The following RNF150 variants were observed in gnomAD, a reference collection of about 807,000 sequenced individuals.
The protein encoded by RNF150 is ring finger protein 150.
RNF150 carries 24 observed loss-of-function variants against 39.3 expected under a neutral mutation model. That is an observed-to-expected ratio of 0.61 (90% CI 0.44 to 0.86). The LOEUF (loss-of-function observed/expected upper bound fraction) is 0.86. Among genes scored for constraint, RNF150 ranks in the 40% least tolerant of loss-of-function variants. The probability of loss-of-function intolerance (pLI) is 0.00; values close to 1 mark genes in which losing one functional copy is unlikely to be tolerated. For missense variants in RNF150, 502 were observed against 587.8 expected (o/e 0.85, Z 1.51); for synonymous variants, 255 against 227.3 (o/e 1.12, Z -1.10).
At chr4:141,203,076 TACAC>T (rs1553954894) in intron 1 of RNF150, among the ~76,000 whole-genome samples, 1 of 133,014 alleles carries the variant, frequency 7.5e-6, no homozygotes, top group Non-Finnish European at 1.6e-5. Context: ...TATATATATA[TACAC>T]ACATATATGA....
chr4:141,014,879 C>A (rs1360186254), intron 1 of RNF150, among the ~76,000 whole-genome samples: 1 of 152,138 alleles, frequency 6.6e-6, no homozygotes, highest in Non-Finnish European at 1.5e-5. Context: ...AGGATCATAT[C>A]CAAAAATCAT....
At chr4:140,899,648 T>C (rs553570049) in intron 6 of RNF150, among the ~76,000 whole-genome samples, 19 of 152,218 alleles carry the variant, frequency 1.2e-4, no homozygotes, top group African/African-American at 3.6e-4. Context: ...GGGAAGCCTA[T>C]GGAGCGAGGA....
At chr4:141,042,561 C>T (rs1285924028) in intron 1 of RNF150, among the ~76,000 whole-genome samples, 1 of 151,980 alleles carries the variant, frequency 6.6e-6, no homozygotes, top group Non-Finnish European at 1.5e-5. Flanking sequence ...CATAATTTTT[C>T]ACTATGCCCC....
At chr4:141,157,170 T>C (rs1727422659) in intron 1 of RNF150, among the ~76,000 whole-genome samples, 2 of 152,164 alleles carry the variant, frequency 1.3e-5, no homozygotes, top group South Asian at 4.1e-4. Context: ...TTTCCTCTCA[T>C]GGTCATAGAT....
At chr4:141,001,015 A>G (rs572896847) in intron 1 of RNF150, among the ~76,000 whole-genome samples, 5 of 152,344 alleles carry the variant, frequency 3.3e-5, no homozygotes, top group Admixed American at 2.6e-4. Flanking sequence ...AATTAAACAA[A>G]TCAGCGTAAT....
intron 2 of RNF150, among the ~76,000 whole-genome samples, chr4:140,958,778 T>C (rs1732888750): frequency 6.6e-6 from 1 of 152,148 alleles, no homozygotes; most frequent in African/African-American, 2.4e-5. Flanking sequence ...GGCTATTTTC[T>C]TAAAGTACTC....
intron 1 of RNF150, among the ~76,000 whole-genome samples, chr4:140,991,705 T>C (rs1579033338): frequency 6.6e-6 from 1 of 152,266 alleles, no homozygotes; most frequent in Middle Eastern, 3.4e-3. Flanking sequence ...GAGCAACTGA[T>C]AGAGCATCTT....
At chr4:140,877,936 A>AGGCATGTG (rs930776537) in intron 6 of RNF150, among the ~76,000 whole-genome samples, 14 of 152,094 alleles carry the variant, frequency 9.2e-5, no homozygotes, top group Middle Eastern at 3.2e-3. Context: ...GCAAATTTCA[A>AGGCATGTG]GGCATGTGGA....
chr4:141,210,866 G>T (rs1728452731), intron 1 of RNF150, among the ~76,000 whole-genome samples: 1 of 152,076 alleles, frequency 6.6e-6, no homozygotes, highest in Admixed American at 6.6e-5. Flanking sequence ...ACTCAATTCT[G>T]GTCAATTATC....
intron 5 of RNF150, among the ~76,000 whole-genome samples, chr4:140,915,755 G>A (rs1442301841): frequency 2.0e-5 from 3 of 152,178 alleles, no homozygotes; most frequent in African/African-American, 7.2e-5. Flanking sequence ...CTCCTCAAGT[G>A]GGTCCCTGAC....
intron 1 of RNF150, among the ~76,000 whole-genome samples, chr4:141,099,341 G>A (rs948920893): frequency 4.6e-5 from 7 of 152,006 alleles, no homozygotes; most frequent in Non-Finnish European, 5.9e-5. Flanking sequence ...TTTACCTCCC[G>A]GATCAGAAGA....
intron 1 of RNF150, among the ~76,000 whole-genome samples, chr4:141,115,255 C>T (rs952858462): frequency 3.9e-5 from 6 of 152,268 alleles, no homozygotes; most frequent in Admixed American, 3.9e-4. Context: ...ATCATCTCAG[C>T]CCAAAATCTC....
At chr4:141,130,744 T>C (rs1726873367) in intron 1 of RNF150, among the ~76,000 whole-genome samples, 1 of 152,030 alleles carries the variant, frequency 6.6e-6, no homozygotes, top group South Asian at 2.1e-4. Context: ...TCCACTGAGG[T>C]TTTAAATATT....
chr4:141,199,531 A>G (rs910470233), intron 1 of RNF150, among the ~76,000 whole-genome samples: 2 of 152,204 alleles, frequency 1.3e-5, no homozygotes, highest in Non-Finnish European at 2.9e-5. Context: ...GAAACACGCT[A>G]CTGGTACACT....
intron 6 of RNF150, among the ~76,000 whole-genome samples, chr4:140,886,906 T>G (rs1304585957): frequency 6.6e-6 from 1 of 152,256 alleles, no homozygotes; most frequent in Non-Finnish European, 1.5e-5. Flanking sequence ...ACTCCTATGT[T>G]TTCTTCTAGA....
chr4:140,976,074 T>C (rs11729644), intron 1 of RNF150, among the ~76,000 whole-genome samples: 56,116 of 152,054 alleles, frequency 0.37, 11,848 homozygotes, highest in Non-Finnish European at 0.46. Context: ...TTGCTTTGAT[T>C]GGTTCGGCTT....
Position 141,190,907 on chromosome 4 carries a change from A to G in RNF150, c.-6+21887T>C, listed in dbSNP as rs75731268. ...TAGAGTGAAAAGTTTAAAATTGTCA[A>G]TTAAAATCATTTCAGTCCCTTCCTA... On this transcript the variant is annotated intron_variant, in intron 1 of 7. Coordinates refer to the RNF150 transcript ENST00000420921. Among the ~76,000 whole-genome samples the G allele has an allele frequency of 5.7e-3, 867 of 152,312 alleles. 2 individuals are homozygous for G. Among genetic ancestry groups the G allele is most frequent in the African/African-American group, 0.019 (808 of 41,560 alleles).
At chr4:141,151,409 GACACACACACAC>G (rs869289733) in intron 1 of RNF150, among the ~76,000 whole-genome samples, 1,856 of 121,972 alleles carry the variant, frequency 0.015, 40 homozygotes, top group African/African-American at 0.051. Context: ...CATCTCTACA[GACACACACACAC>G]ACACACACAC....
chr4:140,973,540 G>GAA (rs71704831), intron 1 of RNF150, among the ~76,000 whole-genome samples: 23 of 149,886 alleles, frequency 1.5e-4, no homozygotes, highest in African/African-American at 2.9e-4. Context: ...CCTCTCATTT[G>GAA]AAAAAAAAAC....
Sources: allele counts gnomAD v4.1 joint callset (sites outside exome capture counted in the v4.1 genomes callset), GRCh38; gene constraint gnomAD v4.1.1; transcripts MANE v1.5; gene names NCBI Gene and HGNC (gene_info 2026-07-23, HGNC 2026-07-21).